CA10: variants seen among roughly 807,000 people sequenced by gnomAD.
CA10 encodes the protein carbonic anhydrase 10 (inactive), also known as carbonic anhydrase-related protein 10.
CA10 carries 14 observed loss-of-function variants against 44.2 expected under a neutral mutation model. The observed-to-expected ratio is 0.32, with a 90% CI of 0.21 to 0.50. The LOEUF is 0.50. CA10 is among the 20% of genes least tolerant of loss of function. The pLI is 0.99. For missense variants in CA10, 350 were observed against 409.7 expected (o/e 0.85, Z 1.26); for synonymous variants, 159 against 141.6 (o/e 1.12, Z -0.87).
chr17:51,922,857 C>T (rs1982287205), intron 3 of CA10, among the ~76,000 whole-genome samples: 1 of 152,072 alleles, frequency 6.6e-6, no homozygotes, highest in Non-Finnish European at 1.5e-5. Context: ...TCTAAGATAA[C>T]ACACCTACTT....
chr17:51,752,443 T>C (rs1904922315), intron 3 of CA10, among the ~76,000 whole-genome samples: 1 of 152,000 alleles, frequency 6.6e-6, no homozygotes, highest in African/African-American at 2.4e-5. Flanking sequence ...CTTAATTCAC[T>C]GCAAAATAAG....
intron 1 of CA10, among the ~76,000 whole-genome samples, chr17:52,081,731 C>T (rs1006220860): frequency 7.1e-6 from 1 of 141,136 alleles, no homozygotes; most frequent in Non-Finnish European, 1.5e-5. Context: ...ACCTGGGAGG[C>T]GGAGCTTGCA....
chr17:51,993,602 ATTAT>A (rs754295596), intron 2 of CA10, among the ~76,000 whole-genome samples: 68 of 152,208 alleles, frequency 4.5e-4, no homozygotes, highest in Admixed American at 3.8e-3. Flanking sequence ...AAAAATTCTA[ATTAT>A]TTATCATTGT....
intron 1 of CA10, among the ~76,000 whole-genome samples, chr17:52,123,242 A>G (rs986895636): frequency 1.3e-4 from 19 of 151,738 alleles, no homozygotes; most frequent in African/African-American, 4.6e-4. Flanking sequence ...CATGAAAGAA[A>G]TGGTAGGTAT....
chr17:51,723,574 A>G (rs55884938), intron 4 of CA10, among the ~76,000 whole-genome samples: 1 of 151,890 alleles, frequency 6.6e-6, no homozygotes, highest in Admixed American at 6.6e-5. Flanking sequence ...AACATTGTAT[A>G]ATATCAAGGA....
At chr17:51,968,566 G>T (rs1466955603) in intron 2 of CA10, among the ~76,000 whole-genome samples, 2 of 151,856 alleles carry the variant, frequency 1.3e-5, no homozygotes, top group African/African-American at 2.4e-5. Context: ...AGTGGCCAAA[G>T]GTTAGGAAAT....
chr17:51,874,768 A>C (rs1466613916), intron 3 of CA10, among the ~76,000 whole-genome samples: 2 of 152,180 alleles, frequency 1.3e-5, no homozygotes, highest in African/African-American at 4.8e-5. Context: ...ATATGAGTTG[A>C]AATAACTCTA....
chr17:51,871,419 T>TTC (rs1979808248), intron 3 of CA10, among the ~76,000 whole-genome samples: 1 of 147,500 alleles, frequency 6.8e-6, no homozygotes, highest in South Asian at 2.2e-4. Context: ...TTTTTTTTTT[T>TTC]AGTAGAGACG....
chr17:51,858,353 G>A (rs1053069975), intron 3 of CA10, among the ~76,000 whole-genome samples: 20 of 152,056 alleles, frequency 1.3e-4, no homozygotes, highest in Non-Finnish European at 2.8e-4. Flanking sequence ...ATTTTCACTG[G>A]GACAACGAGG....
At chr17:52,140,725 G>C (rs1016030226) in intron 1 of CA10, among the ~76,000 whole-genome samples, 1 of 152,128 alleles carries the variant, frequency 6.6e-6, no homozygotes, top group African/African-American at 2.4e-5. Flanking sequence ...TAAGAGGACT[G>C]GGAGTCCAGC....
At chr17:51,704,281 T>C (rs981600999) in intron 4 of CA10, among the ~76,000 whole-genome samples, 2 of 152,184 alleles carry the variant, frequency 1.3e-5, no homozygotes, top group African/African-American at 4.8e-5. Flanking sequence ...GATTCTATAC[T>C]AAATATGACA....
chr17:52,095,065 C>T (rs1389594098), intron 1 of CA10, among the ~76,000 whole-genome samples: 1 of 152,082 alleles, frequency 6.6e-6, no homozygotes, highest in African/African-American at 2.4e-5. Flanking sequence ...ACTGAACAAC[C>T]CATATGTCTA....
chr17:51,896,590 G>A (rs1981077564), intron 3 of CA10, among the ~76,000 whole-genome samples: 1 of 152,078 alleles, frequency 6.6e-6, no homozygotes, highest in African/African-American at 2.4e-5. Context: ...TATATCTTTG[G>A]TTATATACCC....
At chr17:52,112,920 G>A (rs1363066883) in intron 1 of CA10, among the ~76,000 whole-genome samples, 3 of 152,120 alleles carry the variant, frequency 2.0e-5, no homozygotes, top group East Asian at 1.9e-4. Flanking sequence ...TAGCAGCTGC[G>A]CAGAAGGGAA....
intron 3 of CA10, among the ~76,000 whole-genome samples, chr17:51,815,902 A>G (rs1907547591): frequency 6.6e-6 from 1 of 152,058 alleles, no homozygotes; most frequent in Non-Finnish European, 1.5e-5. Context: ...CACCTCCTCA[A>G]ACATTTATCC....
At chr17:51,988,553 T>C (rs1380458395) in intron 2 of CA10, among the ~76,000 whole-genome samples, 1 of 152,004 alleles carries the variant, frequency 6.6e-6, no homozygotes, top group African/African-American at 2.4e-5. Context: ...TTCTACCTTT[T>C]AAAACTGTCA....
chr17:51,822,201 A>G (rs961282823), intron 3 of CA10, among the ~76,000 whole-genome samples: 1 of 152,134 alleles, frequency 6.6e-6, no homozygotes, highest in Non-Finnish European at 1.5e-5. Context: ...AGGCAGGCAG[A>G]TCACCTGAGG....
chr17:51,668,632 C>T (rs924352590), intron 4 of CA10, among the ~76,000 whole-genome samples: 9 of 152,232 alleles, frequency 5.9e-5, no homozygotes, highest in Admixed American at 2.0e-4. Context: ...AACCCTTGCT[C>T]GCTCTCGGGA....
chr17:51,656,616 G>A (rs1012421475), intron 4 of CA10, among the ~76,000 whole-genome samples: 1 of 152,326 alleles, frequency 6.6e-6, no homozygotes, highest in Non-Finnish European at 1.5e-5. Flanking sequence ...TTGAATATGA[G>A]TTTTGAGCAT....
Sources: allele counts gnomAD v4.1 joint callset (sites outside exome capture counted in the v4.1 genomes callset), GRCh38; gene constraint gnomAD v4.1.1; transcripts MANE v1.5; gene names NCBI Gene and HGNC (gene_info 2026-07-23, HGNC 2026-07-21).